CEP83: variants seen among roughly 807,000 people sequenced by gnomAD.
The protein encoded by CEP83 is centrosomal protein 83.
A neutral mutation model predicts 101.9 loss-of-function variants in CEP83; 70 were observed. The ratio of observed to expected loss-of-function variants is 0.69; its 90% CI spans 0.57 to 0.84. CEP83 has a LOEUF of 0.84. Among genes scored for constraint, CEP83 ranks in the 40% least tolerant of loss-of-function variants. The pLI is 0.00. For missense variants in CEP83, 715 were observed against 787.2 expected (o/e 0.91, Z 1.10); for synonymous variants, 264 against 267.9 (o/e 0.99, Z 0.14).
the CEP83 span, among the ~76,000 whole-genome samples, chr12:94,275,249 A>T: frequency 6.6e-6 from 1 of 152,250 alleles, no homozygotes; most frequent in African/African-American, 2.4e-5. Flanking sequence ...ATCATGAATT[A>T]TCTGAGAACA....
At position 94,400,943 on chromosome 12, in the gene CEP83, G is replaced by A; in HGVS notation, c.456C>T (p.Arg152=). 1 of 1,507,550 alleles carries A rather than the reference G, an allele frequency of 6.6e-7. No homozygotes were observed. Among genetic ancestry groups the A allele is most frequent in the African/African-American group, 1.4e-5 (1 of 71,226 alleles). 93.4% of individuals were successfully genotyped at this position (1,507,550 alleles called of 1,614,324 possible). The change falls in exon 6 of 17, where the codon CGC becomes CGT. Residue 152 remains arginine, a synonymous_variant. Coordinates refer to ENST00000397809, the MANE Select transcript of CEP83 (RefSeq NM_016122.3). ...CTGACTTGAGAAATGTATGTTCATA[G>A]CGAAGCTTATTATATACAGCTCTAT... ...EKYRAVYNKL[R]YEHTFLKSEF...
chr12:94,300,890 A>T, the CEP83 span: 4 of 1,602,392 alleles, frequency 2.5e-6, no homozygotes, highest in Admixed American at 3.4e-5. Context: ...TTGAAAAGAG[A>T]TTATTCTCTC....
the CEP83 span, among the ~76,000 whole-genome samples, chr12:94,289,570 T>C: frequency 8.5e-5 from 13 of 152,152 alleles, no homozygotes; most frequent in African/African-American, 3.1e-4. Context: ...TAGGGGACGA[T>C]TAATGAGTCA....
In CEP83 at chr12:94,375,977, T is replaced by C. The variant is rs1383193849; in HGVS notation, c.842A>G (p.Glu281Gly). Reference sequence around the variant, plus strand: ...TTCACTGCTTGATTGTAGCTCTTTTTCCAAACGTTCTGCCCGTAAATTAGC... The same window carrying C: ...TTCACTGCTTGATTGTAGCTCTTTTCCCAAACGTTCTGCCCGTAAATTAGC... ...QSANLRAERL[E>G]KELQSSSEQN... Residue 281 changes from glutamate to glycine, a missense_variant, in exon 8 of 17, where the codon GAA (glutamate) becomes GGA (glycine). Physicochemically the swap from Glu to Gly is moderately conservative, Grantham distance 98 (BLOSUM62 -2). Transcript: ENST00000397809. 4 of 1,575,434 alleles carry C rather than the reference T, an allele frequency of 2.5e-6. No individual in the cohort carries two copies. The highest frequency in any genetic ancestry group is 1.7e-5 in the Admixed American group (1 of 57,172).
At chr12:94,318,357 C>G (rs1230856199) in intron 14 of CEP83, among the ~76,000 whole-genome samples, 1 of 152,142 alleles carries the variant, frequency 6.6e-6, no homozygotes, top group Non-Finnish European at 1.5e-5. Flanking sequence ...CGACTGCAAA[C>G]ATGAATAGTT....
At chr12:94,279,588 C>T in the CEP83 span, 10 of 1,614,066 alleles carry the variant, frequency 6.2e-6, no homozygotes, top group African/African-American at 6.7e-5. Context: ...AAAAGATTTT[C>T]CAAGCATTCT....
intron 11 of CEP83, among the ~76,000 whole-genome samples, chr12:94,337,288 T>C (rs2059489657): frequency 2.0e-5 from 3 of 152,050 alleles, no homozygotes; most frequent in South Asian, 2.1e-4. Flanking sequence ...TAAATGAAAA[T>C]ATGAACTAAG....
At chr12:94,458,515 G>A (rs536301852) in intron 1 of CEP83, among the ~76,000 whole-genome samples, 60 of 152,172 alleles carry the variant, frequency 3.9e-4, no homozygotes, top group Middle Eastern at 6.8e-3. Context: ...GAGGTGGGCG[G>A]ATCACCTGAG....
intron 14 of CEP83, among the ~76,000 whole-genome samples, chr12:94,321,199 G>C (rs537435316): frequency 3.9e-4 from 59 of 152,218 alleles, no homozygotes; most frequent in Admixed American, 3.7e-3. Context: ...TGACATTCTT[G>C]TGTTTTTCAG....
chr12:94,265,881 G>T, the CEP83 span, among the ~76,000 whole-genome samples: 1 of 151,856 alleles, frequency 6.6e-6, no homozygotes, highest in Non-Finnish European at 1.5e-5. Context: ...AAGAAAGAAA[G>T]AAAGCCCAGT....
At chr12:94,393,952 C>G (rs2062724746) in intron 6 of CEP83, among the ~76,000 whole-genome samples, 1 of 152,152 alleles carries the variant, frequency 6.6e-6, no homozygotes, top group South Asian at 2.1e-4. Flanking sequence ...GAACTACAAA[C>G]CACTGCTCAA....
chr12:94,376,688 T>TACACACACACAC (rs1225591201), intron 7 of CEP83, among the ~76,000 whole-genome samples: 1 of 87,538 alleles, frequency 1.1e-5, no homozygotes, highest in East Asian at 2.8e-4. Flanking sequence ...TATATACATA[T>TACACACACACAC]ATACACACAC....
At chr12:94,356,159 C>A (rs981943678) in intron 11 of CEP83, among the ~76,000 whole-genome samples, 18 of 152,116 alleles carry the variant, frequency 1.2e-4, no homozygotes, top group Admixed American at 5.2e-4. Flanking sequence ...TGGAGGACAC[C>A]CGAGTACTCT....
At chr12:94,420,280 A>G (rs541418814) in intron 2 of CEP83, among the ~76,000 whole-genome samples, 168 of 152,352 alleles carry the variant, frequency 1.1e-3, no homozygotes, top group Non-Finnish European at 2.1e-3. Flanking sequence ...TCTCCTGGGC[A>G]TATATCCACT....
At chr12:94,362,974 T>C (rs1265232897) in intron 11 of CEP83, among the ~76,000 whole-genome samples, 1 of 152,204 alleles carries the variant, frequency 6.6e-6, no homozygotes, top group Non-Finnish European at 1.5e-5. Context: ...ATGTGTAAGC[T>C]AAAAAGTTTA....
chr12:94,300,940 G>C, the CEP83 span: 1 of 1,613,300 alleles, frequency 6.2e-7, no homozygotes, highest in South Asian at 1.1e-5. Context: ...TAAACATCCT[G>C]AAGAACCCTC....
chr12:94,293,203 T>C, the CEP83 span, among the ~76,000 whole-genome samples: 1 of 152,216 alleles, frequency 6.6e-6, no homozygotes, highest in Non-Finnish European at 1.5e-5. Context: ...AACTGTTGTA[T>C]AAATATGCCC....
At chr12:94,447,172 G>A (rs1003829422) in intron 1 of CEP83, among the ~76,000 whole-genome samples, 25 of 152,170 alleles carry the variant, frequency 1.6e-4, no homozygotes, top group African/African-American at 5.3e-4. Flanking sequence ...CATGCCTTAT[G>A]AGAAATAACA....
the CEP83 span, among the ~76,000 whole-genome samples, chr12:94,291,135 G>A: frequency 8.5e-5 from 13 of 152,356 alleles, no homozygotes; most frequent in African/African-American, 2.6e-4. Context: ...AAAGGTCTTA[G>A]GTGAGAACGC....
Sources: gnomAD v4.1 joint callset for allele counts (sites outside exome capture counted in the v4.1 genomes callset) on GRCh38, gnomAD v4.1.1 for gene constraint, MANE v1.5 for transcripts, NCBI Gene and HGNC (gene_info 2026-07-23, HGNC 2026-07-21) for gene names.